IGSF21: variants seen among roughly 807,000 people sequenced by gnomAD.
IGSF21 encodes the protein immunoglobulin superfamily member 21.
In IGSF21, 28 loss-of-function variants were observed where a neutral mutation model predicts 46.8. The observed-to-expected ratio is 0.60, with a 90% CI of 0.44 to 0.82. The LOEUF (loss-of-function observed/expected upper bound fraction) is 0.82, where lower values mean the gene tolerates loss of function less well. Among genes scored for constraint, IGSF21 ranks in the 40% least tolerant of loss-of-function variants. IGSF21 has a pLI of 0.00. For missense variants in IGSF21, 624 were observed against 665.5 expected (o/e 0.94, Z 0.69); for synonymous variants, 284 against 273.6 (o/e 1.04, Z -0.38).
At chr1:18,358,793 G>T (rs1421925386) in intron 4 of IGSF21, among the ~76,000 whole-genome samples, 3 of 152,182 alleles carry the variant, frequency 2.0e-5, no homozygotes, top group Admixed American at 1.3e-4. Context: ...CTTGCCCAAG[G>T]TCACACAGCC....
chr1:18,341,230 G>A (rs2085838106), intron 4 of IGSF21, among the ~76,000 whole-genome samples: 1 of 151,174 alleles, frequency 6.6e-6, no homozygotes, highest in Admixed American at 6.6e-5. Context: ...CTCCCAAAGT[G>A]CTACAGGCAT....
chr1:18,289,958 T>C (rs768806237), intron 2 of IGSF21, among the ~76,000 whole-genome samples: 20 of 152,186 alleles, frequency 1.3e-4, no homozygotes, highest in Non-Finnish European at 2.2e-4. Flanking sequence ...TCTTGGCCTC[T>C]ACCCCAGGCT....
intron 4 of IGSF21, 67 bp from the exon 5 acceptor site, chr1:18,362,048 T>G: frequency 8.7e-7 from 1 of 1,152,776 alleles, no homozygotes; most frequent in Non-Finnish European, 1.3e-6. Flanking sequence ...CCATCTTAGG[T>G]CATCAGTGAA....
intron 3 of IGSF21, among the ~76,000 whole-genome samples, chr1:18,330,795 C>T (rs2085705246): frequency 6.6e-6 from 1 of 152,170 alleles, no homozygotes; most frequent in South Asian, 2.1e-4. Context: ...TTTAGAGCAG[C>T]TTAAGGTTCA....
chr1:18,213,451 C>T (rs1178252811), intron 1 of IGSF21, among the ~76,000 whole-genome samples: 1 of 152,134 alleles, frequency 6.6e-6, no homozygotes, highest in African/African-American at 2.4e-5. Flanking sequence ...TATGATCCAC[C>T]CTCTGCCAAG....
In IGSF21 at chr1:18,290,029, C is replaced by T. The variant is rs1273118961; in HGVS notation, c.184-1837C>T. On this transcript the variant is annotated intron_variant, in intron 2 of 9. Transcript: ENST00000251296. The surrounding 1 kb of genome is among the most constrained non-coding windows in gnomAD (Gnocchi z 4.2). ...CCCAAGTACAGCCAACTCTCTTCTC[C>T]ACCCCATGCCAAGCTGGACACAGTC... Among the ~76,000 whole-genome samples, 4 of 152,162 alleles carry T rather than the reference C, an allele frequency of 2.6e-5. No homozygotes were observed. The East Asian group carries it at 7.7e-4, about 29-fold the overall frequency.
At chr1:18,134,727 A>G (rs2086353678) in intron 1 of IGSF21, among the ~76,000 whole-genome samples, 1 of 152,140 alleles carries the variant, frequency 6.6e-6, no homozygotes, top group Non-Finnish European at 1.5e-5. Context: ...ACAGGTACTG[A>G]AAAACCCCAG....
intron 6 of IGSF21, among the ~76,000 whole-genome samples, chr1:18,370,737 TAAAG>T (rs1030152017): frequency 8.5e-5 from 13 of 152,122 alleles, no homozygotes; most frequent in African/African-American, 2.9e-4. Context: ...CCAGAATATA[TAAAG>T]AACTATGACA....
At chr1:18,363,133 T>G (rs1055020006) in intron 5 of IGSF21, among the ~76,000 whole-genome samples, 8 of 152,224 alleles carry the variant, frequency 5.3e-5, no homozygotes, top group African/African-American at 1.7e-4. Flanking sequence ...TAGGCTTCCA[T>G]GAAACCCATT....
At chr1:18,191,588 C>T (rs766361912) in intron 1 of IGSF21, among the ~76,000 whole-genome samples, 22 of 151,950 alleles carry the variant, frequency 1.4e-4, no homozygotes, top group Non-Finnish European at 2.6e-4. Flanking sequence ...GGTGTGTATC[C>T]CCTGGCGCGG....
intron 1 of IGSF21, 39 bp from the exon 2 acceptor site, chr1:18,227,859 G>T: frequency 2.0e-6 from 3 of 1,494,404 alleles, no homozygotes; most frequent in Middle Eastern, 1.7e-4. Flanking sequence ...CCTCTGATCT[G>T]CTCGTGCCCT....
Position 18,355,694 on chromosome 1 carries a change from A to G in IGSF21, c.425-6421A>G, listed in dbSNP as rs368891973. 6.6e-5 allele frequency among the ~76,000 whole-genome samples: 10 copies of G among 152,094 alleles called. No homozygotes were observed. The South Asian group carries it at 1.7e-3, about 25-fold the overall frequency. ...GGATTTAAGGGAGTTTTATGGTGGTATCCTTGGTTGATCATCATGGTGGAC... is the reference window on the plus strand; with the variant it reads ...GGATTTAAGGGAGTTTTATGGTGGTGTCCTTGGTTGATCATCATGGTGGAC... On this transcript the variant is annotated intron_variant, in intron 4 of 9. Transcript: ENST00000251296.
intron 4 of IGSF21, among the ~76,000 whole-genome samples, chr1:18,345,827 T>C (rs892232456): frequency 5.3e-5 from 8 of 152,250 alleles, no homozygotes; most frequent in Admixed American, 3.3e-4. Context: ...GGTTATAAAA[T>C]GTGCCCAAGG....
chr1:18,135,574 C>T (rs1282980644), intron 1 of IGSF21, among the ~76,000 whole-genome samples: 2 of 152,140 alleles, frequency 1.3e-5, no homozygotes, highest in Non-Finnish European at 2.9e-5. Context: ...ATCCATGTCC[C>T]TACAAAGGAT....
At chr1:18,310,453 T>C (rs975945927) in intron 3 of IGSF21, among the ~76,000 whole-genome samples, 2 of 152,258 alleles carry the variant, frequency 1.3e-5, no homozygotes, top group Non-Finnish European at 2.9e-5. Context: ...TACTACGTAG[T>C]ACTCCACTGC....
At chr1:18,364,950 G>A (rs1267207602) in intron 5 of IGSF21, among the ~76,000 whole-genome samples, 4 of 152,158 alleles carry the variant, frequency 2.6e-5, no homozygotes, top group African/African-American at 4.8e-5. Flanking sequence ...CTCTTGACAA[G>A]TGAAGAAACT....
Position 18,337,494 on chromosome 1 carries a change from C to G in IGSF21, c.424+2484C>G, listed in dbSNP as rs75652880. On this transcript the variant is annotated intron_variant, in intron 4 of 9. Coordinates refer to ENST00000251296, the MANE Select transcript of IGSF21 (RefSeq NM_032880.5). The surrounding 1 kb of genome is among the most constrained non-coding windows in gnomAD (Gnocchi z 5.7). ...CTCCCTCTTGCCCCTGGTTTTGGCCCCAGCAAAGAGAAGTCCCCCATTCAC... is the reference window on the plus strand; with the variant it reads ...CTCCCTCTTGCCCCTGGTTTTGGCCGCAGCAAAGAGAAGTCCCCCATTCAC... Among the ~76,000 whole-genome samples, 4,677 of 152,206 alleles carry G rather than the reference C, an allele frequency of 0.031. 93 individuals carry two copies. Among genetic ancestry groups the G allele is most frequent in the Non-Finnish European group, 0.047 (3,189 of 67,998 alleles).
chr1:18,363,876 C>T (rs2086130803), intron 5 of IGSF21, among the ~76,000 whole-genome samples: 1 of 152,088 alleles, frequency 6.6e-6, no homozygotes, highest in Non-Finnish European at 1.5e-5. Context: ...CAGAGACAAG[C>T]CTCAGTCCCT....
chr1:18,113,706 G>A (rs4920296), intron 1 of IGSF21: 149,880 of 150,924 alleles, frequency 0.99, 74,428 homozygotes, highest in East Asian at 1. Context: ...AATATTGAGC[G>A]GAGTGTCACA....
Sources: allele counts gnomAD v4.1 joint callset (sites outside exome capture counted in the v4.1 genomes callset), GRCh38; gene constraint gnomAD v4.1.1; non-coding constraint Gnocchi (gnomAD v3.1); transcripts MANE v1.5; gene names NCBI Gene and HGNC (gene_info 2026-07-23, HGNC 2026-07-21).